DNAJC3: variants seen among roughly 807,000 people sequenced by gnomAD.
DNAJC3 encodes DnaJ heat shock protein family (Hsp40) member C3.
A neutral mutation model predicts 68.6 loss-of-function variants in DNAJC3; 38 were observed. That is an observed-to-expected ratio of 0.55 (90% confidence interval 0.43 to 0.73). The LOEUF (loss-of-function observed/expected upper bound fraction) is 0.73, where lower values mean the gene tolerates loss of function less well. Among genes scored for constraint, DNAJC3 ranks in the 30% least tolerant of loss-of-function variants. The pLI is 0.00. For missense variants in DNAJC3, 526 were observed against 591.9 expected, an observed-to-expected ratio of 0.89 and a Z score of 1.16; for synonymous variants, 203 against 204.0, an observed-to-expected ratio of 1.00 and a Z score of 0.04.
intron 2 of DNAJC3, among the ~76,000 whole-genome samples, chr13:95,715,668 A>T (rs1248532373): frequency 6.6e-6 from 1 of 151,112 alleles, no homozygotes; most frequent in Non-Finnish European, 1.5e-5. Context: ...TTGTATTTTT[A>T]GTAGAGACGG....
chr13:95,690,001 TTTTA>T (rs1405896137), intron 1 of DNAJC3, among the ~76,000 whole-genome samples: 2 of 152,116 alleles, frequency 1.3e-5, no homozygotes, highest in African/African-American at 4.8e-5. Flanking sequence ...TTTTTCTTTT[TTTTA>T]TTGATCATTC....
chr13:95,712,192 A>G (rs946107870), intron 2 of DNAJC3, among the ~76,000 whole-genome samples: 3 of 152,124 alleles, frequency 2.0e-5, no homozygotes, highest in Non-Finnish European at 4.4e-5. Flanking sequence ...CACCTTTTAA[A>G]CAGTTTGGGA....
chr13:95,786,084 T>C lies in DNAJC3; in HGVS notation c.1208+13T>C. ...TGGGAGTAAAAAGGTGAATTATTAA[T>C]TTAAAATTTACTTTGCTATTTTTAA... On this transcript the variant is annotated intron_variant, in intron 10 of 11. Transcript: ENST00000602402. 1 of 1,585,882 alleles carries C rather than the reference T, an allele frequency of 6.3e-7. No homozygotes were observed. Among genetic ancestry groups the C allele is most frequent in the Non-Finnish European group, 8.6e-7 (1 of 1,169,288 alleles).
intron 1 of DNAJC3, among the ~76,000 whole-genome samples, chr13:95,706,595 C>T (rs1244588680): frequency 6.6e-6 from 1 of 152,136 alleles, no homozygotes; most frequent in Non-Finnish European, 1.5e-5. Context: ...GAGGACTGAA[C>T]ATCCTCTTTT....
In DNAJC3 at chr13:95,791,325, GTAT is replaced by G. The variant is rs35680185; in HGVS notation, c.*300_*302del. The G allele has an allele frequency of 0.52, 186,940 of 360,122 alleles. 49,424 individuals carry two copies. The highest frequency in any genetic ancestry group is 0.65 in the East Asian group (8,579 of 13,252). 22.3% of individuals were successfully genotyped at this position (360,122 alleles called of 1,614,324 possible). A position where few individuals can be genotyped will look rare whatever the true frequency, so the allele number is the denominator to read the frequency against. Reference sequence around the variant, plus strand: ...ACCCGTGGAAGTGCTCACGTATTCTGTATTATTTTTCTACACTGGAGCTGAGAT... The same window carrying G: ...ACCCGTGGAAGTGCTCACGTATTCTGTATTTTTCTACACTGGAGCTGAGAT... On this transcript the variant is annotated 3_prime_UTR_variant, in exon 12 of 12. Coordinates refer to ENST00000602402, the MANE Select transcript of DNAJC3 (RefSeq NM_006260.5).
chr13:95,760,013 T>G, intron 5 of DNAJC3, 27 bp from the exon 6 acceptor site: 1 of 1,537,048 alleles, frequency 6.5e-7, no homozygotes, highest in South Asian at 1.3e-5. Flanking sequence ...TATTCTTTCT[T>G]AAAGTCTAGT....
chr13:95,768,550 G>A (rs1883072503), intron 9 of DNAJC3, among the ~76,000 whole-genome samples: 1 of 152,132 alleles, frequency 6.6e-6, no homozygotes, highest in South Asian at 2.1e-4. Flanking sequence ...TTGTGAAAGA[G>A]GTAAAGTTTA....
chr13:95,736,321 A>G (rs1410862927), intron 4 of DNAJC3, among the ~76,000 whole-genome samples: 6 of 151,732 alleles, frequency 4.0e-5, no homozygotes, highest in African/African-American at 7.3e-5. Context: ...TTTTGGTTCC[A>G]TATGAACTTT....
chr13:95,708,311 C>T (rs1181671361), intron 1 of DNAJC3, among the ~76,000 whole-genome samples: 1 of 152,172 alleles, frequency 6.6e-6, no homozygotes, highest in African/African-American at 2.4e-5. Context: ...AGCGGAGAGG[C>T]AACATATTGA....
chr13:95,760,916 A>G, intron 7 of DNAJC3, 118 bp downstream of exon 7: 2 of 1,393,966 alleles, frequency 1.4e-6, no homozygotes, highest in Non-Finnish European at 1.9e-6. Flanking sequence ...TATTCTAGAT[A>G]GCCCTGGGCC....
At chr13:95,755,189 G>T (rs1026528034) in intron 4 of DNAJC3, among the ~76,000 whole-genome samples, 1 of 152,116 alleles carries the variant, frequency 6.6e-6, no homozygotes, top group African/African-American at 2.4e-5. Context: ...GCTCATATGT[G>T]TAATCCCGTG....
chr13:95,763,887 C>T lies in DNAJC3; in HGVS notation c.1009C>T (p.Pro337Ser), dbSNP rs773156617. Residue 337 changes from proline (P) to serine (S), a missense_variant, in exon 9 of 12, where the codon CCT (proline) becomes TCT (serine). Transcript: ENST00000602402. ...RVCSEVLQME[P>S]DNVNALKDRA... is the part of the protein sequence containing the mutation. ...TTGTTCTGAAGTTTTACAGATGGAA[C>T]CTGACAATGTGAATGCCCTGAAAGA... 4.3e-6 allele frequency: 7 copies of T among 1,614,020 alleles called. No individual in the cohort carries two copies. The South Asian group carries it at 7.7e-5, about 18-fold the overall frequency.
chr13:95,753,501 T>C (rs536835090), intron 4 of DNAJC3, among the ~76,000 whole-genome samples: 2 of 152,320 alleles, frequency 1.3e-5, no homozygotes, highest in African/African-American at 4.8e-5. Context: ...AATGAAAATT[T>C]AAATTTTTGC....
rs1883900699 is a variant in DNAJC3, at chr13:95,794,456, T to C, written c.*3426T>C. The C allele has an allele frequency of 6.6e-6, 1 of 152,266 alleles. No homozygotes were observed. The highest frequency in any genetic ancestry group is 2.1e-4 in the South Asian group (1 of 4,834). The allele number at this position is 152,266 out of a possible 1,614,324, so 9.4% of individuals were successfully genotyped here. On this transcript the variant is annotated 3_prime_UTR_variant, in exon 12 of 12. Transcript: ENST00000602402. ...GAGAAGTTCACGCAACTTTGTTGAA[T>C]GTAGTTGACTTTTCCAAATTTATAA...
intron 2 of DNAJC3, among the ~76,000 whole-genome samples, chr13:95,721,124 T>C (rs982159554): frequency 1.1e-4 from 16 of 152,332 alleles, no homozygotes; most frequent in Admixed American, 9.2e-4. Context: ...TATTTGAATA[T>C]GTTAGGTACC....
intron 4 of DNAJC3, among the ~76,000 whole-genome samples, chr13:95,735,725 T>G (rs1881888668): frequency 6.6e-6 from 1 of 151,576 alleles, no homozygotes; most frequent in African/African-American, 2.4e-5. Flanking sequence ...ATATTAGCCC[T>G]TTGTCAGATG....
intron 1 of DNAJC3, among the ~76,000 whole-genome samples, chr13:95,702,986 T>C (rs952547356): frequency 1.6e-4 from 24 of 152,218 alleles, no homozygotes; most frequent in Admixed American, 1.4e-3. Context: ...GTGTATAAAA[T>C]AAAATTGGGA....
chr13:95,763,041 T>C (rs1882870773), intron 7 of DNAJC3, among the ~76,000 whole-genome samples: 1 of 152,228 alleles, frequency 6.6e-6, no homozygotes, highest in Non-Finnish European at 1.5e-5. Context: ...TTTACTTTAC[T>C]ATTGTTGAGG....
chr13:95,681,911 C>G (rs1366605557), intron 1 of DNAJC3, among the ~76,000 whole-genome samples: 1 of 152,182 alleles, frequency 6.6e-6, no homozygotes, highest in African/African-American at 2.4e-5. Flanking sequence ...AGCTTATCTA[C>G]ATTTGTACCT....
Sources: allele counts gnomAD v4.1 joint callset (sites outside exome capture counted in the v4.1 genomes callset), GRCh38; gene constraint gnomAD v4.1.1; transcripts MANE v1.5; gene names NCBI Gene and HGNC (gene_info 2026-07-23, HGNC 2026-07-21).